The following PRICKLE1 variants were observed in gnomAD, a reference collection of about 807,000 sequenced individuals.
PRICKLE1 encodes prickle-like protein 1.
PRICKLE1 carries 14 observed loss-of-function variants against 70.2 expected under a neutral mutation model. The ratio of observed to expected loss-of-function variants is 0.20; its 90% CI spans 0.13 to 0.31. The LOEUF (loss-of-function observed/expected upper bound fraction) is 0.31. Among genes scored for constraint, PRICKLE1 ranks in the 10% least tolerant of loss-of-function variants. The pLI is 1.00. For missense variants in PRICKLE1, 821 were observed against 1,026.2 expected, an observed-to-expected ratio of 0.80 and a Z score of 2.73; for synonymous variants, 357 against 379.9, an observed-to-expected ratio of 0.94 and a Z score of 0.70.
intron 1 of PRICKLE1, among the ~76,000 whole-genome samples, chr12:42,530,703 TGAGCAGAGTCTCAC>T (rs1939896381): frequency 7.4e-6 from 1 of 135,504 alleles, no homozygotes; most frequent in Admixed American, 7.9e-5. Flanking sequence ...TTTTTTTTTT[TGAGCAGAGTCTCAC>T]TGTTGTCAGC....
At chr12:42,473,366 T>A (rs556370260) in intron 1 of PRICKLE1, among the ~76,000 whole-genome samples, 29 of 152,340 alleles carry the variant, frequency 1.9e-4, no homozygotes, top group Admixed American at 1.3e-3. Context: ...GTGTGAAATG[T>A]CATCAGCCTG....
intron 1 of PRICKLE1, among the ~76,000 whole-genome samples, chr12:42,476,620 G>C (rs1338628004): frequency 6.9e-6 from 1 of 144,928 alleles, no homozygotes; most frequent in Non-Finnish European, 1.5e-5. Flanking sequence ...CTGGCTTCTA[G>C]CAACTTATTT....
At chr12:42,564,405 G>A (rs1045643112) in intron 1 of PRICKLE1, among the ~76,000 whole-genome samples, 8 of 151,986 alleles carry the variant, frequency 5.3e-5, no homozygotes, top group Admixed American at 2.0e-4. Context: ...TCACGAGTTC[G>A]AGATCAGCCA....
chr12:42,527,937 A>C (rs1311132124), intron 1 of PRICKLE1, among the ~76,000 whole-genome samples: 230 of 20,546 alleles, frequency 0.011, 17 homozygotes, highest in African/African-American at 0.03. Context: ...ATATATATAT[A>C]TATATATATA....
intron 1 of PRICKLE1, among the ~76,000 whole-genome samples, chr12:42,565,515 T>C (rs2120726344): frequency 6.6e-6 from 1 of 152,182 alleles, no homozygotes. Flanking sequence ...TAAAGCAGCA[T>C]GAAATCAACA....
rs562233604 is a variant in PRICKLE1 at position 42,486,417 on chromosome 12, CATT to C, written c.-48-13856_-48-13854del. Among the ~76,000 whole-genome samples, 295 of 152,314 alleles carry C rather than the reference CATT, an allele frequency of 1.9e-3. 1 individual carries two copies. Among genetic ancestry groups the C allele is most frequent in the African/African-American group, 6.1e-3 (253 of 41,562 alleles). On this transcript the variant is annotated intron_variant, in intron 1 of 7. Coordinates refer to ENST00000345127, the MANE Select transcript of PRICKLE1 (RefSeq NM_153026.3). ...GTTAAGTGAATGAATGATTCTCAGA[CATT>C]ATTCTTCTCAGGCCCTCATAAGTAT... is the stretch of plus-strand genomic sequence containing the variant.
intron 1 of PRICKLE1, among the ~76,000 whole-genome samples, chr12:42,521,502 C>T (rs534290510): frequency 3.7e-4 from 57 of 152,168 alleles, no homozygotes; most frequent in African/African-American, 1.3e-3. Context: ...GAGTTTCAGA[C>T]CAGCCTGGGC....
intron 1 of PRICKLE1, among the ~76,000 whole-genome samples, chr12:42,552,232 A>G (rs1479312465): frequency 1.3e-5 from 2 of 151,874 alleles, no homozygotes; most frequent in Non-Finnish European, 2.9e-5. Context: ...ACGCCCGGCT[A>G]ATTTTTATAT....
intron 1 of PRICKLE1, among the ~76,000 whole-genome samples, chr12:42,502,843 T>A (rs754012875): frequency 6.6e-6 from 1 of 152,198 alleles, no homozygotes; most frequent in Non-Finnish European, 1.5e-5. Context: ...GAGCAACGAA[T>A]GTAACAAACC....
chr12:42,462,090 G>A (rs1205509997), intron 7 of PRICKLE1, among the ~76,000 whole-genome samples: 2 of 152,042 alleles, frequency 1.3e-5, no homozygotes, highest in Admixed American at 6.6e-5. Context: ...GAGCCACCGC[G>A]CCCGGCCCTA....
chr12:42,472,043 G>T (rs1179487107), intron 2 of PRICKLE1, among the ~76,000 whole-genome samples: 1 of 152,132 alleles, frequency 6.6e-6, no homozygotes, highest in Non-Finnish European at 1.5e-5. Flanking sequence ...TGTTGTCACA[G>T]AAGTTTTTTA....
At chr12:42,570,904 CAAAAT>C (rs1940700984) in intron 1 of PRICKLE1, among the ~76,000 whole-genome samples, 1 of 152,022 alleles carries the variant, frequency 6.6e-6, no homozygotes, top group South Asian at 2.1e-4. Context: ...AATATCCAAT[CAAAAT>C]AAAGAATAGA....
chr12:42,570,436 A>G (rs1329559571), intron 1 of PRICKLE1, among the ~76,000 whole-genome samples: 1 of 152,210 alleles, frequency 6.6e-6, no homozygotes, highest in African/African-American at 2.4e-5. Flanking sequence ...GAAAACACCT[A>G]GTTTATTCAT....
intron 1 of PRICKLE1, among the ~76,000 whole-genome samples, chr12:42,519,892 T>C (rs1008929095): frequency 1.3e-5 from 2 of 152,124 alleles, no homozygotes; most frequent in African/African-American, 4.8e-5. Flanking sequence ...AGCACAGCCC[T>C]GAACTCCTAG....
chr12:42,490,443 A>G (rs572882029), intron 1 of PRICKLE1, among the ~76,000 whole-genome samples: 21 of 152,322 alleles, frequency 1.4e-4, no homozygotes, highest in African/African-American at 5.1e-4. Flanking sequence ...GAAAGATGCC[A>G]AGTTATTCTA....
chr12:42,499,812 CT>C, intron 1 of PRICKLE1, among the ~76,000 whole-genome samples: 1 of 152,272 alleles, frequency 6.6e-6, no homozygotes, highest in South Asian at 2.1e-4. Flanking sequence ...ACTGCAACCT[CT>C]GCCTCCCGGG....
chr12:42,473,083 T>C (rs1383593473), intron 1 of PRICKLE1, among the ~76,000 whole-genome samples: 1 of 152,184 alleles, frequency 6.6e-6, no homozygotes, highest in Non-Finnish European at 1.5e-5. Flanking sequence ...CCAAACTGCT[T>C]AGGTTTCAGA....
intron 1 of PRICKLE1, among the ~76,000 whole-genome samples, chr12:42,561,501 A>G (rs1462132633): frequency 6.6e-6 from 1 of 152,164 alleles, no homozygotes; most frequent in Admixed American, 6.5e-5. Flanking sequence ...TGTGTTTTCA[A>G]ATGTGTTATT....
chr12:42,474,577 G>A (rs568769602), intron 1 of PRICKLE1, among the ~76,000 whole-genome samples: 1 of 152,172 alleles, frequency 6.6e-6, no homozygotes, highest in Non-Finnish European at 1.5e-5. Context: ...CTTGACTAAG[G>A]AAAGGCTTTC....
Sources: allele counts gnomAD v4.1 joint callset (sites outside exome capture counted in the v4.1 genomes callset), GRCh38; gene constraint gnomAD v4.1.1; transcripts MANE v1.5; gene names NCBI Gene and HGNC (gene_info 2026-07-23, HGNC 2026-07-21).